Variants in SLC4A4 observed in about 807,000 individuals in gnomAD.
SLC4A4 encodes the protein electrogenic sodium bicarbonate cotransporter 1.
SLC4A4 carries 27 observed loss-of-function variants against 111.5 expected under a neutral mutation model. The observed-to-expected ratio is 0.24, with a 90% CI of 0.18 to 0.33. The LOEUF is 0.33. Ranked by LOEUF, SLC4A4 falls within the 10% of genes least tolerant of loss-of-function variation. The pLI is 1.00. For synonymous variants in SLC4A4, 443 were observed against 463.4 expected, an observed-to-expected ratio of 0.96 and a Z score of 0.57; for missense variants, 909 against 1,315.5, an observed-to-expected ratio of 0.69 and a Z score of 4.78.
At chr4:71,156,588 G>GCTCGCACGCACACACACACACACACACA (rs376043069) in intron 2 of SLC4A4, among the ~76,000 whole-genome samples, 1 of 138,512 alleles carries the variant, frequency 7.2e-6, no homozygotes, top group African/African-American at 2.7e-5. Context: ...GCGCGCGCGC[G>GCTCGCACGCACACACACACACACACACA]CACACACACA....
At chr4:71,207,897 G>C (rs2602099) in intron 1 of SLC4A4, among the ~76,000 whole-genome samples, 42,401 of 152,052 alleles carry the variant, frequency 0.28, 9,182 homozygotes, top group African/African-American at 0.58. Context: ...ACTGCAGTCT[G>C]CACGTCTTAG....
intron 3 of SLC4A4, among the ~76,000 whole-genome samples, chr4:71,267,133 T>C (rs974817271): frequency 1.3e-5 from 2 of 152,192 alleles, no homozygotes; most frequent in African/African-American, 4.8e-5. Flanking sequence ...AAAGACTTTC[T>C]ACCCTTGGGG....
intron 2 of SLC4A4, among the ~76,000 whole-genome samples, chr4:71,112,942 G>T (rs563005047): frequency 3.3e-5 from 5 of 152,150 alleles, no homozygotes; most frequent in African/African-American, 9.7e-5. Flanking sequence ...ATTGAAGAAG[G>T]TGGAGTCATA....
At chr4:71,347,317 G>A (rs868079605) in intron 4 of SLC4A4, among the ~76,000 whole-genome samples, 4 of 152,112 alleles carry the variant, frequency 2.6e-5, no homozygotes, top group African/African-American at 9.7e-5. Flanking sequence ...GTTGAGGATT[G>A]TCTGAGCCTA....
intron 7 of SLC4A4, among the ~76,000 whole-genome samples, chr4:71,409,379 G>C (rs943896443): frequency 1.3e-5 from 2 of 152,228 alleles, no homozygotes; most frequent in Non-Finnish European, 2.9e-5. Flanking sequence ...TCAGGCTGAG[G>C]TGGTCTCAGA....
At chr4:71,084,548 T>C (rs1379651422) in intron 1 of SLC4A4, among the ~76,000 whole-genome samples, 6 of 151,826 alleles carry the variant, frequency 4.0e-5, no homozygotes, top group African/African-American at 1.5e-4. Flanking sequence ...ATGCTATCCC[T>C]CCCCCCTGCC....
intron 2 of SLC4A4, among the ~76,000 whole-genome samples, chr4:71,135,358 C>G (rs1743817283): frequency 2.0e-5 from 3 of 147,140 alleles, no homozygotes; most frequent in African/African-American, 5.0e-5. Flanking sequence ...TTCAGTGGCA[C>G]CACCTTGGCT....
At chr4:71,078,758 G>T (rs1741914411) in intron 1 of SLC4A4, among the ~76,000 whole-genome samples, 1 of 152,064 alleles carries the variant, frequency 6.6e-6, no homozygotes, top group Admixed American at 6.5e-5. Context: ...GAAAATCTCT[G>T]GCACATTAGG....
At chr4:71,488,982 C>T (rs1729664905) in intron 15 of SLC4A4, among the ~76,000 whole-genome samples, 1 of 149,356 alleles carries the variant, frequency 6.7e-6, no homozygotes, top group Non-Finnish European at 1.5e-5. Flanking sequence ...TCATTTATAT[C>T]ATTACCCGTA....
intron 3 of SLC4A4, among the ~76,000 whole-genome samples, chr4:71,272,735 C>T (rs1722786232): frequency 6.6e-6 from 1 of 152,010 alleles, no homozygotes; most frequent in South Asian, 2.1e-4. Context: ...GAAAAGTGTT[C>T]AAAGATGCTG....
chr4:71,103,242 C>G (rs1742812392), intron 2 of SLC4A4, among the ~76,000 whole-genome samples: 1 of 150,418 alleles, frequency 6.6e-6, no homozygotes, highest in South Asian at 2.1e-4. Context: ...ATATATGCAC[C>G]CAATACAGGA....
intron 7 of SLC4A4, among the ~76,000 whole-genome samples, chr4:71,428,452 G>A (rs1723342426): frequency 6.6e-6 from 1 of 151,998 alleles, no homozygotes; most frequent in South Asian, 2.1e-4. Context: ...GGTAAACTGG[G>A]ACTGTTATGG....
At chr4:71,332,212 G>C (rs909383546) in intron 3 of SLC4A4, among the ~76,000 whole-genome samples, 2 of 151,518 alleles carry the variant, frequency 1.3e-5, no homozygotes, top group African/African-American at 2.4e-5. Context: ...TACTAATTTT[G>C]GGTTTGGTTT....
intron 2 of SLC4A4, among the ~76,000 whole-genome samples, chr4:71,147,369 CT>C: frequency 6.6e-6 from 1 of 152,140 alleles, no homozygotes; most frequent in South Asian, 2.1e-4. Flanking sequence ...CTCTGTCTGC[CT>C]TTTTCCCAAC....
At chr4:71,473,405 A>G in intron 14 of SLC4A4, 2 of 332,672 alleles carry the variant, frequency 6.0e-6, no homozygotes, top group Admixed American at 4.3e-5. Flanking sequence ...TAGAAGAAAA[A>G]GATACTAATC....
At chr4:71,184,456 C>T (rs1342302934), upstream of SLC4A4, among the ~76,000 whole-genome samples, 1 of 152,076 alleles carries the variant, frequency 6.6e-6, no homozygotes, top group Non-Finnish European at 1.5e-5. Flanking sequence ...CTATTAGGAC[C>T]TTGGATGATA....
intron 18 of SLC4A4, among the ~76,000 whole-genome samples, chr4:71,541,012 C>T (rs1869379): frequency 0.24 from 37,137 of 151,902 alleles, 4,632 homozygotes; most frequent in East Asian, 0.4. Flanking sequence ...GGTAGCTTTC[C>T]TGTGCATTGT....
intron 3 of SLC4A4, among the ~76,000 whole-genome samples, chr4:71,295,813 C>T (rs960591114): frequency 6.6e-6 from 1 of 152,112 alleles, no homozygotes; most frequent in African/African-American, 2.4e-5. Context: ...CGCACACCAC[C>T]ATGCCTGGCT....
chr4:71,370,715 A>T (rs1465653544), intron 6 of SLC4A4, among the ~76,000 whole-genome samples: 1 of 152,240 alleles, frequency 6.6e-6, no homozygotes, highest in African/African-American at 2.4e-5. Flanking sequence ...CAAAGTTCTT[A>T]TAGAAATTGC....
Sources: gnomAD v4.1 joint callset for allele counts (sites outside exome capture counted in the v4.1 genomes callset) on GRCh38, gnomAD v4.1.1 for gene constraint, MANE v1.5 for transcripts, NCBI Gene and HGNC (gene_info 2026-07-23, HGNC 2026-07-21) for gene names.